Variants in TCF3 observed in about 807,000 individuals in gnomAD.
TCF3 encodes the protein transcription factor E2-alpha.
Under a neutral mutation model 72.3 loss-of-function variants are expected in TCF3, and 54 were observed. The ratio of observed to expected loss-of-function variants is 0.75; its 90% confidence interval spans 0.60 to 0.94. The LOEUF is 0.94. Among genes scored for constraint, TCF3 ranks in the 40% least tolerant of loss-of-function variants. The pLI is 0.00. For missense variants in TCF3, 1,078 were observed against 934.4 expected (o/e 1.15, Z -2.00); for synonymous variants, 525 against 412.6 (o/e 1.27, Z -3.30).
In TCF3 at chr19:1,609,883, A is replaced by G. The variant is rs1476852627; in HGVS notation, c.*1824T>C. The G allele has an allele frequency of 4.3e-6, 1 of 231,514 alleles. No individual in the cohort carries two copies. Among genetic ancestry groups the G allele is most frequent in the Non-Finnish European group, 8.5e-6 (1 of 117,284 alleles). 14.3% of individuals were successfully genotyped at this position (231,514 alleles called of 1,614,324 possible). ...GGAGTCTCAGGAGTGGCACGGGGGG[A>G]GACGCCCGACCTGCAGCGGGGATGA... On this transcript the variant is annotated 3_prime_UTR_variant, in exon 19 of 19. Coordinates refer to ENST00000262965, the MANE Select transcript of TCF3 (RefSeq NM_003200.5).
rs1599372157 is a variant in TCF3 at position 1,609,523 on chromosome 19, C to CT, written c.*2183_*2184insA. ...CCAGGAACTGCTGTTTCTTCCTCCT[C>CT]GCGCTGGGTGAATCTCGTTTGAATT... On this transcript the variant is annotated 3_prime_UTR_variant, in exon 19 of 19. Transcript: ENST00000262965. 1.4e-5 allele frequency: 3 copies of CT among 216,402 alleles called. No individual in the cohort carries two copies. The East Asian group carries it at 2.0e-4, about 15-fold the overall frequency. 13.4% of individuals were successfully genotyped at this position (216,402 alleles called of 1,614,324 possible).
At chr19:1,637,858 G>A (rs1025275845) in intron 3 of TCF3, among the ~76,000 whole-genome samples, 2 of 151,914 alleles carry the variant, frequency 1.3e-5, no homozygotes, top group South Asian at 2.1e-4. Context: ...GCAGTGAGCC[G>A]AGATCGTGCC....
intron 16 of TCF3, among the ~76,000 whole-genome samples, chr19:1,618,456 C>G (rs1287071909): frequency 6.6e-6 from 1 of 152,136 alleles, no homozygotes; most frequent in Non-Finnish European, 1.5e-5. Context: ...TGGCCAAATC[C>G]CAAGTCCTCC....
chr19:1,622,261 G>T, intron 9 of TCF3, 38 bp from the exon 10 acceptor site: 2 of 1,511,464 alleles, frequency 1.3e-6, no homozygotes, highest in Non-Finnish European at 8.9e-7. Flanking sequence ...GCCGAGTGGG[G>T]AACCCCAGCC....
At chr19:1,632,276 G>GC (rs1229985577) in intron 4 of TCF3, 56 bp downstream of exon 4, 5 of 1,550,506 alleles carry the variant, frequency 3.2e-6, no homozygotes, top group Admixed American at 3.9e-5. Flanking sequence ...CACACCCCTC[G>GC]CCCCCAACTC....
intron 11 of TCF3, among the ~76,000 whole-genome samples, chr19:1,621,536 T>G (rs578228389): frequency 2.7e-5 from 4 of 150,160 alleles, no homozygotes; most frequent in Non-Finnish European, 1.5e-5. Flanking sequence ...GGTGGGTGAG[T>G]CCCTCTCTGA....
chr19:1,627,236 G>T (rs891162995), intron 6 of TCF3, 123 bp downstream of exon 6: 1 of 378,974 alleles, frequency 2.6e-6, no homozygotes, highest in Non-Finnish European at 4.3e-6. Context: ...AGCCCAGCCT[G>T]GTTTCGCTAT....
Position 1,622,107 on chromosome 19 carries a change from C to A in TCF3, c.769G>T (p.Gly257Cys). The change falls in exon 10 of 19, where the codon GGC becomes TGC. Residue 257 changes from glycine (G) to cysteine (C), a missense_variant. Coordinates refer to ENST00000262965, the MANE Select transcript of TCF3 (RefSeq NM_003200.5). The part of the protein sequence containing the change: ...LPLPPGSGPV[G>C]SSGSSSTFGG... Reference sequence around the variant, plus strand: ...AACGTGCTGCTGCTTCCACTGCTGCCCACCGGGCCGCTACCGGGCGGGAGG... The same window carrying A: ...AACGTGCTGCTGCTTCCACTGCTGCACACCGGGCCGCTACCGGGCGGGAGG... 1 of 1,604,490 alleles carries A rather than the reference C, an allele frequency of 6.2e-7. No homozygotes were observed. The highest frequency in any genetic ancestry group is 2.2e-5 in the East Asian group (1 of 44,522).
intron 16 of TCF3, among the ~76,000 whole-genome samples, chr19:1,616,034 G>A (rs553757716): frequency 1.3e-5 from 2 of 152,280 alleles, no homozygotes; most frequent in East Asian, 3.9e-4. Context: ...AAGATGAAAG[G>A]GAAACAGTTT....
At chr19:1,638,983 T>C (rs2145254547) in intron 3 of TCF3, among the ~76,000 whole-genome samples, 1 of 152,248 alleles carries the variant, frequency 6.6e-6, no homozygotes, top group African/African-American at 2.4e-5. Context: ...AGCACAAAGA[T>C]CTGCCAAGCC....
chr19:1,644,700 G>A (rs368814656), intron 3 of TCF3, among the ~76,000 whole-genome samples: 131 of 152,258 alleles, frequency 8.6e-4, no homozygotes, highest in African/African-American at 3.0e-3. Flanking sequence ...AGGTCCACAC[G>A]GCCTACACAC....
At chr19:1,630,903 T>G (rs905399422) in intron 5 of TCF3, among the ~76,000 whole-genome samples, 3 of 152,132 alleles carry the variant, frequency 2.0e-5, no homozygotes, top group African/African-American at 4.8e-5. Flanking sequence ...GCATTTCCTG[T>G]GTCACCCGCA....
At chr19:1,649,559 T>C (rs2066671049) in intron 2 of TCF3, among the ~76,000 whole-genome samples, 1 of 152,186 alleles carries the variant, frequency 6.6e-6, no homozygotes, top group Non-Finnish European at 1.5e-5. Flanking sequence ...CACAGGCATC[T>C]ACCACCACTC....
chr19:1,612,173 A>AG, intron 18 of TCF3: 1 of 1,537,138 alleles, frequency 6.5e-7, no homozygotes, highest in Non-Finnish European at 8.8e-7. Context: ...GGGAAGGGAG[A>AG]GGGTGCTGGG....
chr19:1,619,906 G>A, intron 13 of TCF3, 53 bp from the exon 14 acceptor site: 1 of 1,431,218 alleles, frequency 7.0e-7, no homozygotes, highest in Non-Finnish European at 9.6e-7. Flanking sequence ...TGTGAGCATG[G>A]CCTGATGCCC....
chr19:1,621,126 G>T lies in TCF3; in HGVS notation c.1014+7C>A. On this transcript the variant is annotated splice_region_variant and intron_variant, in intron 12 of 18. Coordinates refer to ENST00000262965, the MANE Select transcript of TCF3 (RefSeq NM_003200.5). ...TGCCTGGCCACCCCCCATGCCCCAC[G>T]CCTCACCGAGGCCAGTGCTTTGCCG... 6.5e-7 allele frequency: 1 copy of T among 1,538,420 alleles called. No individual in the cohort carries two copies.
chr19:1,626,698 CCCT>C (rs2146305101), intron 6 of TCF3, among the ~76,000 whole-genome samples: 1 of 152,282 alleles, frequency 6.6e-6, no homozygotes, highest in African/African-American at 2.4e-5. Context: ...AGGCCGCGGC[CCCT>C]CGTTGCGGGG....
chr19:1,629,661 G>A (rs559620914), intron 5 of TCF3, among the ~76,000 whole-genome samples: 4 of 152,266 alleles, frequency 2.6e-5, no homozygotes, highest in South Asian at 2.1e-4. Context: ...CAGGCACCCC[G>A]ATTACTCAGG....
chr19:1,619,267 G>C, intron 15 of TCF3, 33 bp from the exon 16 acceptor site: 1 of 1,574,812 alleles, frequency 6.3e-7, no homozygotes, highest in Non-Finnish European at 8.6e-7. Flanking sequence ...GCATCAGGGG[G>C]AGCCGGGTCC....
Sources: allele counts gnomAD v4.1 joint callset (sites outside exome capture counted in the v4.1 genomes callset), GRCh38; gene constraint gnomAD v4.1.1; transcripts MANE v1.5; gene names NCBI Gene and HGNC (gene_info 2026-07-23, HGNC 2026-07-21).